Variants in CTCF observed in about 807,000 individuals in gnomAD.
CTCF encodes the protein transcriptional repressor CTCF.
CTCF carries 7 observed loss-of-function variants against 72.3 expected under a neutral mutation model. That is an observed-to-expected ratio of 0.10 (90% CI 0.06 to 0.18). CTCF has a LOEUF of 0.18. Ranked by LOEUF, CTCF falls within the 10% of genes least tolerant of loss-of-function variation. CTCF has a pLI of 1.00. For synonymous variants in CTCF, 374 were observed against 315.8 expected (o/e 1.18, Z -1.95); for missense variants, 516 against 949.1 (o/e 0.54, Z 6.00).
At chr16:67,621,734 C>A in intron 7 of CTCF, 143 bp downstream of exon 7, 1 of 521,322 alleles carries the variant, frequency 1.9e-6, no homozygotes, top group Non-Finnish European at 3.3e-6. Flanking sequence ...TTAGTAAAAG[C>A]CATTGCTTAG....
At chr16:67,631,171 T>G (rs2052359493) in intron 10 of CTCF, among the ~76,000 whole-genome samples, 1 of 140,992 alleles carries the variant, frequency 7.1e-6, no homozygotes, top group Non-Finnish European at 1.6e-5. Context: ...TTTTGTTTTT[T>G]GTTTTTTTTT....
intron 10 of CTCF, among the ~76,000 whole-genome samples, chr16:67,629,919 C>T (rs1394798252): frequency 6.6e-6 from 1 of 150,766 alleles, no homozygotes; most frequent in African/African-American, 2.4e-5. Flanking sequence ...TGACTACAGG[C>T]GCCCACCACC....
At chr16:67,600,540 GTGTTTTTTAAAATT>G (rs2051872744) in intron 2 of CTCF, among the ~76,000 whole-genome samples, 1 of 151,948 alleles carries the variant, frequency 6.6e-6, no homozygotes, top group Admixed American at 6.6e-5. Flanking sequence ...TGGCTAATGT[GTGTTTTTTAAAATT>G]TGTTTTTAGA....
rs2051288309 is a variant in CTCF at position 67,562,618 on chromosome 16, G to A, written c.-233G>A. ...GCGGAGCTGCTTCTTTGGCGGCAGC[G>A]GCGGCGGCGGTGGCCGGTGCGGACG... On this transcript the variant is annotated 5_prime_UTR_variant, in exon 1 of 12. Transcript: ENST00000264010. 1 of 152,794 alleles carries A rather than the reference G, an allele frequency of 6.5e-6. No individual in the cohort carries two copies. Among genetic ancestry groups the A allele is most frequent in the Non-Finnish European group, 1.5e-5 (1 of 68,284 alleles). The allele number at this position is 152,794 out of a possible 1,614,324, so 9.5% of individuals were successfully genotyped here. A position where few individuals can be genotyped will look rare whatever the true frequency, so the allele number is the denominator to read the frequency against.
chr16:67,617,315 C>T (rs1018109479), intron 5 of CTCF, among the ~76,000 whole-genome samples: 1 of 151,904 alleles, frequency 6.6e-6, no homozygotes, highest in Non-Finnish European at 1.5e-5. Context: ...CTGGCTAAAA[C>T]GGTGAAACCC....
In CTCF at chr16:67,599,105, T is replaced by C. The variant is rs2051853205; in HGVS notation, c.-9-11719T>C. ...AAGTGGCTGAAGTGGCCGGGTGCGG[T>C]GGCTGAAGCGGCCGAATGTGGTGGC... On this transcript the variant is annotated intron_variant, in intron 2 of 11. Transcript: ENST00000264010. Among the ~76,000 whole-genome samples, 5 of 152,264 alleles carry C rather than the reference T, an allele frequency of 3.3e-5. No homozygotes were observed. The South Asian group carries it at 1.0e-3, about 32-fold the overall frequency.
chr16:67,582,138 T>A (rs1371320761), intron 2 of CTCF, among the ~76,000 whole-genome samples: 1 of 150,388 alleles, frequency 6.6e-6, no homozygotes, highest in African/African-American at 2.5e-5. Context: ...GAGAATGGCA[T>A]GAACGGAGCT....
intron 5 of CTCF, 54 bp downstream of exon 5, chr16:67,616,932 C>T: frequency 6.4e-7 from 1 of 1,574,274 alleles, no homozygotes; most frequent in Non-Finnish European, 8.7e-7. Flanking sequence ...TGATTTATTT[C>T]AATACAAAGC....
At chr16:67,575,721 G>A (rs1436515904) in intron 2 of CTCF, among the ~76,000 whole-genome samples, 1 of 151,992 alleles carries the variant, frequency 6.6e-6, no homozygotes, top group Non-Finnish European at 1.5e-5. Context: ...GGGATTACAA[G>A]CGTGAGCCAC....
chr16:67,579,286 T>C (rs2051547313), intron 2 of CTCF, among the ~76,000 whole-genome samples: 2 of 151,672 alleles, frequency 1.3e-5, no homozygotes, highest in Admixed American at 1.3e-4. Context: ...AAATAAAAAA[T>C]AAAGCACAAA....
In CTCF at chr16:67,636,694, T is replaced by C. The variant is rs1245478116; in HGVS notation, c.1842T>C (p.Asn614=). The C allele has an allele frequency of 1.3e-6, 2 of 1,592,660 alleles. No homozygotes were observed. Among genetic ancestry groups the C allele is most frequent in the Non-Finnish European group, 1.7e-6 (2 of 1,168,794 alleles). The part of the protein sequence containing the change: ...SKKEDSSDSE[N]AEPDLDDNED... ...GCTTCCTGATTTCATGAAAAGAAAA[T>C]GCTGAACCAGATCTGGACGACAATG... Residue 614 remains asparagine, a synonymous_variant, in exon 11 of 12, where the codon AAT becomes AAC. Coordinates refer to ENST00000264010, the MANE Select transcript of CTCF (RefSeq NM_006565.4).
intron 2 of CTCF, among the ~76,000 whole-genome samples, chr16:67,577,550 G>A (rs1476539777): frequency 2.0e-5 from 3 of 150,004 alleles, no homozygotes; most frequent in African/African-American, 4.9e-5. Context: ...TCATTCCCCC[G>A]CCTCAGCCTC....
rs2052332584 is a variant in CTCF, at chr16:67,629,363, A to G, written c.1702-35A>G. On this transcript the variant is annotated intron_variant, in intron 9 of 11. Coordinates refer to ENST00000264010, the MANE Select transcript of CTCF (RefSeq NM_006565.4). ...CTTCCAATCTGATCTTAGCTTTTTTAGTGGTGTGAAAGAGGATTTTGTTCT... is the reference window on the plus strand; with the variant it reads ...CTTCCAATCTGATCTTAGCTTTTTTGGTGGTGTGAAAGAGGATTTTGTTCT... The G allele has an allele frequency of 5.1e-6, 8 of 1,566,408 alleles. No individual in the cohort carries two copies. The East Asian group carries it at 1.8e-4, about 36-fold the overall frequency.
At chr16:67,601,864 ATTT>A (rs36009199) in intron 2 of CTCF, among the ~76,000 whole-genome samples, 1 of 135,070 alleles carries the variant, frequency 7.4e-6, no homozygotes, top group Admixed American at 7.6e-5. Flanking sequence ...TTTACAAGCA[ATTT>A]TTTTTTTTTT....
chr16:67,566,244 C>T (rs2051341585), intron 1 of CTCF, among the ~76,000 whole-genome samples: 1 of 152,020 alleles, frequency 6.6e-6, no homozygotes, highest in Admixed American at 6.6e-5. Context: ...TGGCTCACAC[C>T]TGTAATCCCA....
Position 67,612,851 on chromosome 16 carries a change from C to T in CTCF, c.952+730C>T, listed in dbSNP as rs145032353. The stretch of plus-strand genomic sequence containing the variant: ...ACTCAGGAGGCTCAGGCAGGAGAAT[C>T]GCTTGAAACCTGGGAGGCAGACACT... On this transcript the variant is annotated intron_variant, in intron 4 of 11. Transcript: ENST00000264010. Among the ~76,000 whole-genome samples, 14 of 152,050 alleles carry T rather than the reference C, an allele frequency of 9.2e-5. No homozygotes were observed. The East Asian group carries it at 1.7e-3, about 19-fold the overall frequency.
chr16:67,599,354 C>T (rs1483998850), intron 2 of CTCF, among the ~76,000 whole-genome samples: 5 of 152,292 alleles, frequency 3.3e-5, no homozygotes, highest in Middle Eastern at 3.4e-3. Context: ...GAGGTCGTGC[C>T]ACTGCGCTCC....
At chr16:67,609,346 A>G (rs1206137028) in intron 2 of CTCF, among the ~76,000 whole-genome samples, 3 of 152,152 alleles carry the variant, frequency 2.0e-5, no homozygotes, top group Non-Finnish European at 4.4e-5. Context: ...AGATCTCTTG[A>G]ACTTATTCCC....
At chr16:67,619,546 T>C (rs1289908967) in intron 5 of CTCF, among the ~76,000 whole-genome samples, 2 of 152,214 alleles carry the variant, frequency 1.3e-5, no homozygotes, top group Non-Finnish European at 1.5e-5. Context: ...AAAACAAACA[T>C]TGAAACATTA....
Sources: gnomAD v4.1 joint callset for allele counts (sites outside exome capture counted in the v4.1 genomes callset) on GRCh38, gnomAD v4.1.1 for gene constraint, MANE v1.5 for transcripts, NCBI Gene and HGNC (gene_info 2026-07-23, HGNC 2026-07-21) for gene names.